Variants in SLC35D4 observed in about 807,000 individuals in gnomAD.
SLC35D4 encodes the protein UDP-N-acetylglucosamine transporter SLC35D4.
chr18:23,382,387 C>T, the SLC35D4 span, among the ~76,000 whole-genome samples: 1 of 151,734 alleles, frequency 6.6e-6, no homozygotes, highest in African/African-American at 2.4e-5. Flanking sequence ...GACTCTTTAG[C>T]TCAGTCCCAG....
At chr18:23,347,427 ATCTC>A in the SLC35D4 span, among the ~76,000 whole-genome samples, 1 of 147,692 alleles carries the variant, frequency 6.8e-6, no homozygotes, top group Non-Finnish European at 1.5e-5. Flanking sequence ...CTTCTCTCCT[ATCTC>A]TCTCTCTCTC....
the SLC35D4 span, among the ~76,000 whole-genome samples, chr18:23,307,587 C>G: frequency 6.9e-6 from 1 of 145,002 alleles, no homozygotes; most frequent in African/African-American, 2.8e-5. Flanking sequence ...GTTCAGAAGG[C>G]CTGTTTCCTG....
At chr18:23,289,369 G>C in the SLC35D4 span, among the ~76,000 whole-genome samples, 3,727 of 152,096 alleles carry the variant, frequency 0.025, 51 homozygotes, top group Middle Eastern at 0.054. Context: ...CTCTTATTCC[G>C]TTTAGTTTTT....
the SLC35D4 span, among the ~76,000 whole-genome samples, chr18:23,419,178 TAGGA>T: frequency 1.8e-4 from 27 of 152,280 alleles, no homozygotes; most frequent in African/African-American, 6.5e-4. Flanking sequence ...CATTTCAGGA[TAGGA>T]AGGATGTTCT....
At chr18:23,286,591 C>G in the SLC35D4 span, among the ~76,000 whole-genome samples, 1 of 151,972 alleles carries the variant, frequency 6.6e-6, no homozygotes, top group Non-Finnish European at 1.5e-5. Context: ...TCAGGTAACT[C>G]TCACAGTGGA....
At chr18:23,244,040 C>T in the SLC35D4 span, among the ~76,000 whole-genome samples, 2 of 152,184 alleles carry the variant, frequency 1.3e-5, no homozygotes, top group African/African-American at 4.8e-5. Flanking sequence ...GTATTTGTCT[C>T]GGATTTTTGA....
At chr18:23,243,239 G>A in the SLC35D4 span, among the ~76,000 whole-genome samples, 1 of 151,998 alleles carries the variant, frequency 6.6e-6, no homozygotes, top group African/African-American at 2.4e-5. Context: ...CAGTTCTGAG[G>A]AGGGGGCCTC....
chr18:23,418,374 A>ATTG, the SLC35D4 span, among the ~76,000 whole-genome samples: 1 of 148,098 alleles, frequency 6.8e-6, no homozygotes, highest in Non-Finnish European at 1.5e-5. Flanking sequence ...TATTATTATT[A>ATTG]TTATTATTAT....
chr18:23,243,101 T>C, the SLC35D4 span, among the ~76,000 whole-genome samples: 20 of 151,556 alleles, frequency 1.3e-4, no homozygotes, highest in Admixed American at 6.6e-4. Context: ...ACTATATATA[T>C]ATCTATTTCC....
At chr18:23,249,314 G>C in the SLC35D4 span, among the ~76,000 whole-genome samples, 2 of 152,236 alleles carry the variant, frequency 1.3e-5, no homozygotes, top group African/African-American at 2.4e-5. Flanking sequence ...TCAGATAATA[G>C]AGTAGAATGG....
At chr18:23,420,840 C>G in the SLC35D4 span, among the ~76,000 whole-genome samples, 1 of 152,108 alleles carries the variant, frequency 6.6e-6, no homozygotes, top group African/African-American at 2.4e-5. Context: ...TCAGTTAATA[C>G]TATATTAGTG....
At chr18:23,346,384 TGCGA>T in the SLC35D4 span, among the ~76,000 whole-genome samples, 1 of 152,218 alleles carries the variant, frequency 6.6e-6, no homozygotes, top group Non-Finnish European at 1.5e-5. Context: ...TCTCCGAAAG[TGCGA>T]GGATTATAGG....
At chr18:23,253,789 G>A in the SLC35D4 span, 2 of 1,614,096 alleles carry the variant, frequency 1.2e-6, no homozygotes, top group East Asian at 2.2e-5. Context: ...AGCCCACGGT[G>A]GCCATGGCCT....
the SLC35D4 span, among the ~76,000 whole-genome samples, chr18:23,344,053 G>A: frequency 5.9e-5 from 9 of 151,700 alleles, no homozygotes; most frequent in East Asian, 1.9e-4. Flanking sequence ...TGCGTGCCAC[G>A]ACGCCCAGCT....
chr18:23,388,754 C>T, the SLC35D4 span, among the ~76,000 whole-genome samples: 15 of 152,054 alleles, frequency 9.9e-5, no homozygotes, highest in Non-Finnish European at 1.8e-4. Context: ...GGTGGATGTC[C>T]CCCTTGCTGT....
At chr18:23,283,585 G>A in the SLC35D4 span, among the ~76,000 whole-genome samples, 6 of 151,964 alleles carry the variant, frequency 3.9e-5, no homozygotes, top group East Asian at 7.7e-4. Context: ...TGAGGTGGGC[G>A]GATCACCTGA....
chr18:23,272,840 C>G, the SLC35D4 span, among the ~76,000 whole-genome samples: 1 of 152,198 alleles, frequency 6.6e-6, no homozygotes, highest in Non-Finnish European at 1.5e-5. Context: ...AGACAGTTTG[C>G]TCTTGAAGCG....
chr18:23,400,969 T>A, the SLC35D4 span, among the ~76,000 whole-genome samples: 2 of 152,226 alleles, frequency 1.3e-5, no homozygotes, highest in African/African-American at 4.8e-5. Flanking sequence ...CTGAGAATTA[T>A]CATTAATAGC....
chr18:23,346,634 T>C, the SLC35D4 span, among the ~76,000 whole-genome samples: 1 of 152,186 alleles, frequency 6.6e-6, no homozygotes, highest in Non-Finnish European at 1.5e-5. Flanking sequence ...GGGGAAAGTA[T>C]TCAGTCTTCC....
Sources: allele counts gnomAD v4.1 joint callset (sites outside exome capture counted in the v4.1 genomes callset), GRCh38; gene constraint gnomAD v4.1.1; transcripts MANE v1.5; gene names NCBI Gene and HGNC (gene_info 2026-07-23, HGNC 2026-07-21).